Variants in AGBL1 observed in about 807,000 individuals in gnomAD.
AGBL1 encodes AGBL carboxypeptidase 1.
AGBL1 carries 130 observed loss-of-function variants against 118.9 expected under a neutral mutation model. That is an observed-to-expected ratio of 1.09 (90% CI 0.95 to 1.26). The LOEUF is 1.26. Among genes scored for constraint, AGBL1 ranks in the 50% most tolerant of loss-of-function variants. The pLI is 0.00. For synonymous variants in AGBL1, 555 were observed against 478.9 expected (o/e 1.16, Z -2.08); for missense variants, 1,584 against 1,298.1 (o/e 1.22, Z -3.38).
chr15:86,439,148 C>G (rs780709852), intron 18 of AGBL1, among the ~76,000 whole-genome samples: 3 of 151,998 alleles, frequency 2.0e-5, no homozygotes, highest in Non-Finnish European at 4.4e-5. Context: ...CATCTCATCT[C>G]CTGCTTGTTT....
At chr15:86,478,067 T>C (rs1182573310) in intron 18 of AGBL1, among the ~76,000 whole-genome samples, 13 of 152,276 alleles carry the variant, frequency 8.5e-5, no homozygotes, top group Non-Finnish European at 1.3e-4. Context: ...AATTAGGTAC[T>C]GAAGGGACGT....
chr15:86,478,327 A>G (rs1232588248), intron 18 of AGBL1, among the ~76,000 whole-genome samples: 1 of 152,234 alleles, frequency 6.6e-6, no homozygotes, highest in Non-Finnish European at 1.5e-5. Context: ...GTATATTTAG[A>G]AAACCCCATT....
intron 24 of AGBL1, among the ~76,000 whole-genome samples, chr15:87,023,426 A>T (rs1256344443): frequency 6.6e-6 from 1 of 152,062 alleles, no homozygotes; most frequent in Admixed American, 6.6e-5. Context: ...CCAACAGGAA[A>T]ATATCTCAAT....
intron 18 of AGBL1, among the ~76,000 whole-genome samples, chr15:86,454,915 C>CA (rs1330004387): frequency 6.6e-6 from 1 of 152,008 alleles, no homozygotes; most frequent in African/African-American, 2.4e-5. Context: ...AAAATAAAAA[C>CA]AAAAAAGCAA....
At chr15:86,346,743 G>T (rs544413171) in intron 17 of AGBL1, among the ~76,000 whole-genome samples, 18 of 152,292 alleles carry the variant, frequency 1.2e-4, no homozygotes, top group African/African-American at 4.1e-4. Flanking sequence ...TGAAGAGGAG[G>T]AATCAGGAAC....
At chr15:86,591,771 A>G (rs2084339081) in intron 21 of AGBL1, among the ~76,000 whole-genome samples, 1 of 152,106 alleles carries the variant, frequency 6.6e-6, no homozygotes, top group African/African-American at 2.4e-5. Context: ...TTAAACCATT[A>G]GTCACTGTTG....
At chr15:87,006,148 C>A (rs1451149709) in intron 24 of AGBL1, among the ~76,000 whole-genome samples, 1 of 152,198 alleles carries the variant, frequency 6.6e-6, no homozygotes, top group Admixed American at 6.5e-5. Flanking sequence ...GTCAGGGACC[C>A]ACTTGAGGAG....
At chr15:86,364,064 C>T (rs746188025) in intron 17 of AGBL1, among the ~76,000 whole-genome samples, 8 of 152,210 alleles carry the variant, frequency 5.3e-5, no homozygotes, top group Admixed American at 2.6e-4. Context: ...CTGACCCCTT[C>T]TTACCCATAA....
Position 86,838,611 on chromosome 15 carries a change from TAAAG to T in AGBL1, c.3159-68472_3159-68469del, listed in dbSNP as rs531772080. 1.9e-3 allele frequency among the ~76,000 whole-genome samples: 290 copies of T among 152,010 alleles called. 1 individual carries two copies. The highest frequency in any genetic ancestry group is 3.0e-3 in the Non-Finnish European group (207 of 67,994). On this transcript the variant is annotated intron_variant, in intron 22 of 22. Transcript: ENST00000614907. Reference sequence around the variant, plus strand: ...ATCAAATTGACAAAGTTTCATCTGATAAAGAAATCAAAATGTCAGTTGATAATAT... The same window carrying T: ...ATCAAATTGACAAAGTTTCATCTGATAAATCAAAATGTCAGTTGATAATAT...
chr15:86,568,725 A>G (rs775396393), intron 21 of AGBL1, among the ~76,000 whole-genome samples: 10 of 152,212 alleles, frequency 6.6e-5, no homozygotes, highest in Non-Finnish European at 1.3e-4. Flanking sequence ...TCTGCATTTT[A>G]ACCAGATCTC....
chr15:86,588,150 G>T (rs983619760), intron 21 of AGBL1, among the ~76,000 whole-genome samples: 2 of 152,170 alleles, frequency 1.3e-5, no homozygotes. Context: ...TTCATGAAGA[G>T]AATTTTAAAA....
chr15:86,708,295 G>A (rs1021703312), intron 22 of AGBL1, among the ~76,000 whole-genome samples: 4 of 152,072 alleles, frequency 2.6e-5, no homozygotes, highest in Non-Finnish European at 4.4e-5. Flanking sequence ...GATCTCATAA[G>A]GTTAGTGTCC....
In AGBL1 at chr15:86,137,985, A is replaced by G. The variant is rs115917557; in HGVS notation, c.52-4019A>G. Among the ~76,000 whole-genome samples, 582 of 152,358 alleles carry G rather than the reference A, an allele frequency of 3.8e-3. 5 individuals are homozygous for G. The highest frequency in any genetic ancestry group is 0.013 in the African/African-American group (554 of 41,592). Reference sequence around the variant, plus strand: ...AGATAAAACAGAAGTATAGAAGACAATGCTTGTTCTCAGGGAGTATCAGTG... The same window carrying G: ...AGATAAAACAGAAGTATAGAAGACAGTGCTTGTTCTCAGGGAGTATCAGTG... On this transcript the variant is annotated intron_variant, in intron 1 of 22. Coordinates refer to ENST00000614907, the MANE Select transcript of AGBL1 (RefSeq NM_001386094.1).
At chr15:86,639,256 G>C (rs891317517) in intron 21 of AGBL1, among the ~76,000 whole-genome samples, 1 of 151,974 alleles carries the variant, frequency 6.6e-6, no homozygotes, top group African/African-American at 2.4e-5. Context: ...GGGTCATCTT[G>C]GAAGTCTGCC....
chr15:86,564,113 G>A (rs898336076), intron 21 of AGBL1, among the ~76,000 whole-genome samples: 3 of 152,130 alleles, frequency 2.0e-5, no homozygotes, highest in Non-Finnish European at 4.4e-5. Context: ...TTTAATTGGA[G>A]AATTTAGCCC....
intron 22 of AGBL1, among the ~76,000 whole-genome samples, chr15:86,751,671 C>A (rs11857736): frequency 0.18 from 27,611 of 152,036 alleles, 2,639 homozygotes; most frequent in Admixed American, 0.23. Flanking sequence ...GCCTCCTGAG[C>A]AATGTTCAAT....
chr15:86,138,579 C>A (rs979679706), intron 1 of AGBL1, among the ~76,000 whole-genome samples: 2 of 152,154 alleles, frequency 1.3e-5, no homozygotes, highest in Non-Finnish European at 2.9e-5. Context: ...TGAATGTTTG[C>A]GAGATGAATG....
At chr15:86,982,700 TTCTG>T (rs1475434540) in intron 23 of AGBL1, among the ~76,000 whole-genome samples, 14 of 152,330 alleles carry the variant, frequency 9.2e-5, no homozygotes, top group Admixed American at 5.2e-4. Flanking sequence ...TATTTTCTCT[TTCTG>T]GTGATTTTTT....
At chr15:86,604,763 C>T (rs1188266129) in intron 21 of AGBL1, among the ~76,000 whole-genome samples, 3 of 150,152 alleles carry the variant, frequency 2.0e-5, no homozygotes, top group African/African-American at 7.3e-5. Context: ...GCTATTTTCA[C>T]ATTTCTTTTT....
Sources: allele counts gnomAD v4.1 joint callset (sites outside exome capture counted in the v4.1 genomes callset), GRCh38; gene constraint gnomAD v4.1.1; transcripts MANE v1.5; gene names NCBI Gene and HGNC (gene_info 2026-07-23, HGNC 2026-07-21).